Variants in SV2C observed in about 807,000 individuals in gnomAD.
SV2C encodes synaptic vesicle glycoprotein 2C.
Under a neutral mutation model 79.7 loss-of-function variants are expected in SV2C, and 49 were observed. The observed-to-expected ratio is 0.61, with a 90% confidence interval of 0.49 to 0.78. The LOEUF (loss-of-function observed/expected upper bound fraction) is 0.78. Among genes scored for constraint, SV2C ranks in the 30% least tolerant of loss-of-function variants. The pLI is 0.00. For missense variants in SV2C, 833 were observed against 912.9 expected (o/e 0.91, Z 1.13); for synonymous variants, 334 against 333.2 (o/e 1.00, Z -0.03).
intron 2 of SV2C, chr5:76,173,570 C>G (rs1743399518): frequency 1.3e-6 from 2 of 1,525,352 alleles, no homozygotes; most frequent in Non-Finnish European, 1.8e-6. Flanking sequence ...AATGCTGGCA[C>G]TGTTGAATTG....
the SV2C span, among the ~76,000 whole-genome samples, chr5:76,009,107 C>A: frequency 6.6e-6 from 1 of 152,130 alleles, no homozygotes; most frequent in African/African-American, 2.4e-5. Context: ...AATATCCTTC[C>A]TTGCTATTTC....
chr5:75,894,511 A>T, the SV2C span, among the ~76,000 whole-genome samples: 1 of 152,004 alleles, frequency 6.6e-6, no homozygotes, highest in South Asian at 2.1e-4. Context: ...GTGTGTTTGG[A>T]GCTCCTTTCA....
chr5:76,261,825 T>G (rs1473339150), intron 4 of SV2C, among the ~76,000 whole-genome samples: 1 of 152,232 alleles, frequency 6.6e-6, no homozygotes, highest in East Asian at 1.9e-4. Context: ...CCTTTTCATG[T>G]GCTGCTGGAT....
the SV2C span, among the ~76,000 whole-genome samples, chr5:75,975,012 C>A: frequency 1.3e-5 from 2 of 152,130 alleles, no homozygotes; most frequent in African/African-American, 2.4e-5. Flanking sequence ...ACTATTATAG[C>A]ATGCTGATTC....
At chr5:75,952,818 T>C in the SV2C span, among the ~76,000 whole-genome samples, 1 of 152,072 alleles carries the variant, frequency 6.6e-6, no homozygotes, top group Non-Finnish European at 1.5e-5. Flanking sequence ...GGTATTTCTT[T>C]ATAGCAATGG....
chr5:75,955,634 A>C, the SV2C span, among the ~76,000 whole-genome samples: 2 of 147,630 alleles, frequency 1.4e-5, no homozygotes, highest in African/African-American at 5.1e-5. Context: ...GAAAATTTTC[A>C]CAACCTACTC....
At chr5:75,975,161 C>T in the SV2C span, among the ~76,000 whole-genome samples, 1 of 152,150 alleles carries the variant, frequency 6.6e-6, no homozygotes, top group African/African-American at 2.4e-5. Flanking sequence ...CATAGCACTT[C>T]TGTGGTATTG....
chr5:76,133,487 C>T (rs74752722), intron 2 of SV2C, among the ~76,000 whole-genome samples: 2 of 152,136 alleles, frequency 1.3e-5, no homozygotes, highest in Non-Finnish European at 2.9e-5. Context: ...AAGAGAGATA[C>T]TCATGAATGA....
At chr5:75,939,448 G>GACCTAATCTAA in the SV2C span, among the ~76,000 whole-genome samples, 1 of 151,988 alleles carries the variant, frequency 6.6e-6, no homozygotes, top group African/African-American at 2.4e-5. Flanking sequence ...CCATCCTTAG[G>GACCTAATCTAA]ACCTAATCTA....
the SV2C span, among the ~76,000 whole-genome samples, chr5:75,939,424 A>G: frequency 6.6e-6 from 1 of 152,136 alleles, no homozygotes. Context: ...CACTAAAGTC[A>G]TCAGACCAGG....
intron 4 of SV2C, among the ~76,000 whole-genome samples, chr5:76,211,379 A>T (rs941244504): frequency 1.3e-5 from 2 of 152,162 alleles, no homozygotes; most frequent in Admixed American, 1.3e-4. Flanking sequence ...CTTCATCTAT[A>T]AGCAGTGAAA....
chr5:76,252,523 T>G (rs1174296961), intron 4 of SV2C, among the ~76,000 whole-genome samples: 1 of 152,238 alleles, frequency 6.6e-6, no homozygotes, highest in Admixed American at 6.5e-5. Context: ...TTCTAATCTA[T>G]GAAAGAAAGA....
chr5:76,095,191 A>C (rs1747513440), intron 1 of SV2C, among the ~76,000 whole-genome samples: 1 of 152,066 alleles, frequency 6.6e-6, no homozygotes, highest in South Asian at 2.1e-4. Flanking sequence ...TTTATAGAAA[A>C]ATTGAAAATA....
intron 2 of SV2C, among the ~76,000 whole-genome samples, chr5:76,138,631 TAAAG>T (rs1749143222): frequency 6.6e-6 from 1 of 151,684 alleles, no homozygotes; most frequent in African/African-American, 2.4e-5. Flanking sequence ...ACAGAAAAAA[TAAAG>T]AAAGGGAATG....
intron 2 of SV2C, among the ~76,000 whole-genome samples, chr5:76,169,742 C>G (rs972323740): frequency 1.2e-4 from 18 of 152,282 alleles, no homozygotes; most frequent in Middle Eastern, 6.8e-3. Flanking sequence ...GCAACAATAG[C>G]ACGTGGAATT....
intron 8 of SV2C, 97 bp from the exon 9 acceptor site, chr5:76,295,681 C>A (rs183029548): frequency 1.6e-5 from 20 of 1,214,742 alleles, no homozygotes; most frequent in Non-Finnish European, 2.3e-5. Flanking sequence ...GCCAGCCATT[C>A]TCCGGGAACT....
the SV2C span, among the ~76,000 whole-genome samples, chr5:75,958,341 G>T: frequency 1.3e-5 from 2 of 151,916 alleles, no homozygotes; most frequent in African/African-American, 4.8e-5. Flanking sequence ...TGTCTGTGAG[G>T]GTGTTTCTGG....
the SV2C span, among the ~76,000 whole-genome samples, chr5:75,963,309 A>G: frequency 6.6e-6 from 1 of 152,164 alleles, no homozygotes; most frequent in African/African-American, 2.4e-5. Flanking sequence ...TTGCTTGAGT[A>G]CACTCACAAC....
intron 4 of SV2C, among the ~76,000 whole-genome samples, chr5:76,259,191 C>A (rs2112454001): frequency 6.6e-6 from 1 of 152,288 alleles, no homozygotes; most frequent in African/African-American, 2.4e-5. Context: ...GTTTTCATTT[C>A]TCTTGGATAA....
Sources: allele counts gnomAD v4.1 joint callset (sites outside exome capture counted in the v4.1 genomes callset), GRCh38; gene constraint gnomAD v4.1.1; transcripts MANE v1.5; gene names NCBI Gene and HGNC (gene_info 2026-07-23, HGNC 2026-07-21).